The following CADM2 variants were observed in gnomAD, a reference collection of about 807,000 sequenced individuals.
CADM2 encodes immunoglobulin superfamily member 4D.
In CADM2, 12 loss-of-function variants were observed where a neutral mutation model predicts 49.8. The ratio of observed to expected loss-of-function variants is 0.24; its 90% CI spans 0.15 to 0.39. CADM2 has a LOEUF of 0.39. Ranked by LOEUF, CADM2 falls within the 10% of genes least tolerant of loss-of-function variation. The probability of loss-of-function intolerance (pLI) is 1.00; values close to 1 mark genes in which losing one functional copy is unlikely to be tolerated. For synonymous variants in CADM2, 214 were observed against 175.4 expected (o/e 1.22, Z -1.74); for missense variants, 378 against 492.3 (o/e 0.77, Z 2.20).
At chr3:85,680,259 A>C (rs544933202) in intron 1 of CADM2, among the ~76,000 whole-genome samples, 1 of 152,230 alleles carries the variant, frequency 6.6e-6, no homozygotes, top group Non-Finnish European at 1.5e-5. Context: ...ATTAATATAT[A>C]TATTTGTATC....
chr3:85,797,287 G>A (rs2071687213), intron 2 of CADM2, among the ~76,000 whole-genome samples: 1 of 151,680 alleles, frequency 6.6e-6, no homozygotes, highest in Admixed American at 6.6e-5. Context: ...TTCAAGTTCT[G>A]GCATACACGT....
chr3:85,179,168 C>G (rs911302030), intron 1 of CADM2, among the ~76,000 whole-genome samples: 2 of 151,840 alleles, frequency 1.3e-5, no homozygotes, highest in Non-Finnish European at 2.9e-5. Flanking sequence ...TGAATGTTTA[C>G]CTGTGTTCTT....
intron 3 of CADM2, among the ~76,000 whole-genome samples, chr3:85,802,419 GA>G (rs1465747913): frequency 1.3e-5 from 2 of 151,894 alleles, no homozygotes; most frequent in Non-Finnish European, 2.9e-5. Flanking sequence ...ATTCTGTTTC[GA>G]AAATAGTTTT....
chr3:85,339,789 T>C (rs1298189205), intron 1 of CADM2, among the ~76,000 whole-genome samples: 1 of 151,544 alleles, frequency 6.6e-6, no homozygotes, highest in East Asian at 1.9e-4. Flanking sequence ...AAAGCAGAAA[T>C]GGTAAAGAAA....
chr3:85,119,710 C>A (rs143727163), intron 1 of CADM2, among the ~76,000 whole-genome samples: 3 of 152,192 alleles, frequency 2.0e-5, no homozygotes, highest in African/African-American at 4.8e-5. Flanking sequence ...TGAAGAGGTC[C>A]ATCACTTCTC....
chr3:85,791,444 C>T (rs2071316302), intron 2 of CADM2, among the ~76,000 whole-genome samples: 1 of 148,898 alleles, frequency 6.7e-6, no homozygotes, highest in Admixed American at 6.8e-5. Flanking sequence ...TGATCTTGAA[C>T]TTTCTAAGAC....
intron 1 of CADM2, among the ~76,000 whole-genome samples, chr3:85,641,558 A>C (rs1004430163): frequency 3.3e-5 from 5 of 152,174 alleles, no homozygotes; most frequent in African/African-American, 1.2e-4. Flanking sequence ...TGGAGTTAGA[A>C]TTATATCTAA....
chr3:85,655,958 G>T (rs1187242251), intron 1 of CADM2, among the ~76,000 whole-genome samples: 1 of 144,340 alleles, frequency 6.9e-6, no homozygotes, highest in African/African-American at 2.5e-5. Context: ...CCTGAATTTT[G>T]CTCCAAAAGT....
At chr3:85,965,573 T>G (rs987092624) in intron 8 of CADM2, among the ~76,000 whole-genome samples, 2 of 151,404 alleles carry the variant, frequency 1.3e-5, no homozygotes, top group East Asian at 3.9e-4. Flanking sequence ...TATTGAAAAA[T>G]GAGAAAACTC....
chr3:85,381,771 G>A (rs2033923774), intron 1 of CADM2, among the ~76,000 whole-genome samples: 1 of 151,928 alleles, frequency 6.6e-6, no homozygotes, highest in Non-Finnish European at 1.5e-5. Context: ...TGCAGGATGT[G>A]GGATGACTCC....
At chr3:85,380,708 T>C (rs2033854863) in intron 1 of CADM2, among the ~76,000 whole-genome samples, 3 of 151,972 alleles carry the variant, frequency 2.0e-5, no homozygotes, top group African/African-American at 7.2e-5. Context: ...TAAGTGTAGA[T>C]ATTTGTGAAT....
At chr3:85,306,093 T>C (rs1259774463) in intron 1 of CADM2, among the ~76,000 whole-genome samples, 3 of 151,678 alleles carry the variant, frequency 2.0e-5, no homozygotes, top group Admixed American at 1.3e-4. Context: ...ATATATTATT[T>C]GATTAATTAT....
intron 1 of CADM2, among the ~76,000 whole-genome samples, chr3:85,009,942 A>G (rs1365086992): frequency 2.0e-5 from 3 of 151,766 alleles, no homozygotes; most frequent in East Asian, 3.9e-4. Context: ...GTTGTAAGCT[A>G]AATAAGATAA....
intron 1 of CADM2, among the ~76,000 whole-genome samples, chr3:84,966,541 A>C (rs2031004726): frequency 6.6e-6 from 1 of 152,070 alleles, no homozygotes; most frequent in African/African-American, 2.4e-5. Flanking sequence ...AAAAACACAC[A>C]CACAAGTCTT....
intron 8 of CADM2, among the ~76,000 whole-genome samples, chr3:86,027,608 A>G (rs1734051145): frequency 6.6e-6 from 1 of 152,170 alleles, no homozygotes; most frequent in African/African-American, 2.4e-5. Flanking sequence ...TATATGAGGC[A>G]TAGCCTATTG....
At chr3:85,001,932 C>G (rs1008606766) in intron 1 of CADM2, among the ~76,000 whole-genome samples, 1 of 152,042 alleles carries the variant, frequency 6.6e-6, no homozygotes, top group African/African-American at 2.4e-5. Flanking sequence ...TGCAGAGAAA[C>G]TTAATTGAAT....
At chr3:85,037,655 C>T (rs2035273941) in intron 1 of CADM2, among the ~76,000 whole-genome samples, 1 of 152,134 alleles carries the variant, frequency 6.6e-6, no homozygotes, top group Admixed American at 6.6e-5. Flanking sequence ...TTCTCTCCTA[C>T]TAAGAAGGGC....
At chr3:85,260,314 C>T (rs1190863326) in intron 1 of CADM2, among the ~76,000 whole-genome samples, 1 of 152,060 alleles carries the variant, frequency 6.6e-6, no homozygotes. Context: ...AAGGAACAAT[C>T]TCCAAACCAA....
At chr3:86,065,582 C>T in intron 8 of CADM2, 23 bp from the exon 9 acceptor site, 3 of 1,601,444 alleles carry the variant, frequency 1.9e-6, no homozygotes, top group South Asian at 1.1e-5. Context: ...TTAAATAGAA[C>T]AATATTTTCC....
Sources: gnomAD v4.1 joint callset for allele counts (sites outside exome capture counted in the v4.1 genomes callset) on GRCh38, gnomAD v4.1.1 for gene constraint, MANE v1.5 for transcripts, NCBI Gene and HGNC (gene_info 2026-07-23, HGNC 2026-07-21) for gene names.